The following F8 variants were observed in gnomAD, a reference collection of about 807,000 sequenced individuals.
F8 encodes coagulation factor VIII.
A neutral mutation model predicts 140.6 loss-of-function variants in F8; 12 were observed. The ratio of observed to expected loss-of-function variants is 0.09; its 90% CI spans 0.05 to 0.14. The LOEUF is 0.14. Ranked by LOEUF, F8 falls within the 10% of genes least tolerant of loss-of-function variation. F8 has a pLI of 1.00. For missense variants in F8, 1,354 were observed against 1,720.7 expected (o/e 0.79, Z 3.77); for synonymous variants, 585 against 614.6 (o/e 0.95, Z 0.71).
intron 1 of F8, among the ~76,000 whole-genome samples, chrX:155,001,002 C>T (rs1281838582): frequency 9.0e-6 from 1 of 111,525 alleles, no homozygotes; most frequent in Non-Finnish European, 1.9e-5. Flanking sequence ...AAAGCCACAC[C>T]ATGCCTCAGA....
At chrX:154,868,559 A>C (rs2072748504) in intron 22 of F8, among the ~76,000 whole-genome samples, 1 of 112,027 alleles carries the variant, frequency 8.9e-6, no homozygotes, top group African/African-American at 3.2e-5. Context: ...CTAAACATGG[A>C]AAGGAACAAC....
At chrX:155,019,446 G>A (rs2073749653) in intron 1 of F8, among the ~76,000 whole-genome samples, 1 of 111,203 alleles carries the variant, frequency 9.0e-6, no homozygotes, top group South Asian at 3.7e-4. Flanking sequence ...AGAGACTTTA[G>A]GGTAAAATTA....
chrX:154,845,220 C>T (rs1195079605), intron 25 of F8, among the ~76,000 whole-genome samples: 2 of 111,688 alleles, frequency 1.8e-5, no homozygotes, highest in African/African-American at 6.5e-5. Context: ...ATTTTTGCAT[C>T]AATGTTCATC....
At chrX:154,954,096 T>G in intron 11 of F8, 54 bp from the exon 12 acceptor site, 1 of 1,129,534 alleles carries the variant, frequency 8.9e-7, no homozygotes. Flanking sequence ...TGTTGTCAGG[T>G]AGGAGCTAGC....
intron 14 of F8, chrX:154,908,776 C>T (rs2073050705): frequency 8.9e-6 from 1 of 112,165 alleles, no homozygotes; most frequent in Non-Finnish European, 1.9e-5. Flanking sequence ...TAACTTTCCC[C>T]CTGGTCAGGA....
intron 6 of F8, among the ~76,000 whole-genome samples, chrX:154,972,174 C>A (rs1161981764): frequency 5.4e-5 from 6 of 112,143 alleles, no homozygotes; most frequent in African/African-American, 1.6e-4. Context: ...TCTCCACATC[C>A]TTGCTAGCAC....
chrX:155,016,655 T>C (rs2073735755), intron 1 of F8, among the ~76,000 whole-genome samples: 1 of 112,631 alleles, frequency 8.9e-6, no homozygotes, highest in Non-Finnish European at 1.9e-5. Context: ...GAAGAATACA[T>C]ACCGTATGAT....
intron 11 of F8, among the ~76,000 whole-genome samples, chrX:154,955,448 C>T (rs782777392): frequency 1.8e-4 from 19 of 107,412 alleles, no homozygotes; most frequent in African/African-American, 2.7e-4. Context: ...CGTGAGCCAC[C>T]GCACGTAGCC....
chrX:154,841,205 C>A (rs1488536874), intron 25 of F8, among the ~76,000 whole-genome samples: 45 of 66,849 alleles, frequency 6.7e-4, no homozygotes, highest in African/African-American at 2.5e-3. Flanking sequence ...CATTTGCTTT[C>A]TTCTTTTTTT....
At chrX:154,918,817 C>T (rs1415400402) in intron 14 of F8, 1 of 92,388 alleles carries the variant, frequency 1.1e-5, no homozygotes, top group Non-Finnish European at 2.1e-5. Context: ...TTTAATAAAG[C>T]CCCTGTGTGC....
At chrX:154,864,830 G>A (rs2072719803) in intron 22 of F8, among the ~76,000 whole-genome samples, 1 of 110,555 alleles carries the variant, frequency 9.0e-6, no homozygotes, top group South Asian at 3.8e-4. Context: ...AAGAGTGAAG[G>A]AAGAACAGAG....
chrX:154,928,989 A>G lies in F8; in HGVS notation c.4801T>C (p.Ser1601Pro). The change falls in exon 14 of 26, where the codon TCC becomes CCC. Residue 1601 changes from serine to proline, a missense_variant. This residue lies in a region of F8 where 658 missense variants were observed against 666.5 expected (regional missense o/e 0.99). Transcript: ENST00000360256. ...GTQIPKEEWK[S>P]QEKSPEKTAF... ...GTTTTTTCTGGTGACTTCTCTTGGG[A>G]TTTCCACTCTTCTTTTGGTATCTGA... The G allele has an allele frequency of 8.3e-7, 1 of 1,211,212 alleles. No individual in the cohort carries two copies. Among genetic ancestry groups the G allele is most frequent in the Admixed American group, 2.2e-5 (1 of 45,992 alleles).
At chrX:154,874,322 C>G (rs1557273830) in intron 22 of F8, among the ~76,000 whole-genome samples, 1 of 112,585 alleles carries the variant, frequency 8.9e-6, no homozygotes. Flanking sequence ...TTATTATGGA[C>G]TCTAATTTAT....
intron 18 of F8, among the ~76,000 whole-genome samples, chrX:154,902,688 G>A (rs1469217011): frequency 8.9e-6 from 1 of 111,856 alleles, no homozygotes; most frequent in African/African-American, 3.3e-5. Flanking sequence ...TGACAGTCAC[G>A]TAAGGGAGTC....
intron 12 of F8, among the ~76,000 whole-genome samples, chrX:154,948,386 T>C (rs1451451050): frequency 1.8e-5 from 2 of 111,937 alleles, no homozygotes; most frequent in African/African-American, 3.2e-5. Context: ...ATGTGCTTTA[T>C]CAATTTGAAG....
chrX:155,018,020 A>T (rs1168762459), intron 1 of F8, among the ~76,000 whole-genome samples: 1 of 106,081 alleles, frequency 9.4e-6, no homozygotes, highest in Admixed American at 1.0e-4. Context: ...GAGCACCACC[A>T]TGCCCAGCTA....
rs2073022404 is a variant in F8, at chrX:154,903,843, C to T, written c.5998+63G>A. ...ACTGATTGTGTTCCCAGTGCCTAGA[C>T]CATTTAAAGTAAGTACTCAACAAAT... is the stretch of plus-strand genomic sequence containing the variant. On this transcript the variant is annotated intron_variant, in intron 18 of 25. Transcript: ENST00000360256. 2.6e-5 allele frequency: 26 copies of T among 1,008,955 alleles called. No homozygotes were observed. In the South Asian group the frequency reaches 4.8e-4, roughly 19 times the overall value. 83.1% of individuals were successfully genotyped at this position (1,008,955 alleles called of 1,213,427 possible).
chrX:155,011,718 C>T (rs1168170644), intron 1 of F8, among the ~76,000 whole-genome samples: 1 of 111,579 alleles, frequency 9.0e-6, no homozygotes, highest in Non-Finnish European at 1.9e-5. Flanking sequence ...TATTATTCAG[C>T]CATAAAAAGG....
At position 154,965,957 on chromosome X, in the gene F8, T is replaced by C. The variant is rs188533866; in HGVS notation, c.1443+13A>G. 7 of 1,208,626 alleles carry C rather than the reference T, an allele frequency of 5.8e-6. No individual in the cohort carries two copies. The East Asian group carries it at 1.5e-4, about 26-fold the overall frequency. ...TTCTTCTTACCTGACCTTAAATCTT[T>C]TCTTCAACTTACCAACAGTGTGTCT... On this transcript the variant is annotated intron_variant, in intron 9 of 25. Coordinates refer to ENST00000360256, the MANE Select transcript of F8 (RefSeq NM_000132.4).
Sources: allele counts gnomAD v4.1 joint callset (sites outside exome capture counted in the v4.1 genomes callset), GRCh38; gene constraint gnomAD v4.1.1; regional missense constraint gnomAD v4.1.1; transcripts MANE v1.5; gene names NCBI Gene and HGNC (gene_info 2026-07-23, HGNC 2026-07-21).